CACHD1: variants seen among roughly 807,000 people sequenced by gnomAD.
CACHD1 encodes VWFA and cache domain-containing protein 1.
CACHD1 carries 71 observed loss-of-function variants against 138.7 expected under a neutral mutation model. The observed-to-expected ratio is 0.51, with a 90% CI of 0.42 to 0.62. The LOEUF (loss-of-function observed/expected upper bound fraction) is 0.62. Among genes scored for constraint, CACHD1 ranks in the 20% least tolerant of loss-of-function variants. The pLI, the probability that CACHD1 is intolerant of heterozygous loss-of-function variation, is 0.00. For missense variants in CACHD1, 1,389 were observed against 1,625.3 expected (o/e 0.85, Z 2.50); for synonymous variants, 578 against 591.5 (o/e 0.98, Z 0.33).
chr1:64,506,947 C>G (rs1390523027), intron 1 of CACHD1, among the ~76,000 whole-genome samples: 2 of 152,164 alleles, frequency 1.3e-5, no homozygotes, highest in African/African-American at 4.8e-5. Flanking sequence ...TAGATAGGAG[C>G]TGAATTTGCT....
intron 16 of CACHD1, among the ~76,000 whole-genome samples, chr1:64,666,985 C>A (rs1649657426): frequency 6.6e-6 from 1 of 151,256 alleles, no homozygotes; most frequent in Non-Finnish European, 1.5e-5. Flanking sequence ...AAAAATTGTC[C>A]TTGAAACTAT....
In CACHD1 at chr1:64,604,521, T is replaced by C. The variant is rs534589555; in HGVS notation, c.517+1609T>C. ...AAAACATTCCCAGGTACATGAGAGATGTTGCTTGTTCTGAAGACTTGAGGT... is the reference window on the plus strand; with the variant it reads ...AAAACATTCCCAGGTACATGAGAGACGTTGCTTGTTCTGAAGACTTGAGGT... On this transcript the variant is annotated intron_variant, in intron 4 of 26. Transcript: ENST00000651257. 1.5e-4 allele frequency among the ~76,000 whole-genome samples: 23 copies of C among 152,300 alleles called. 1 individual carries two copies. The highest frequency in any genetic ancestry group is 5.5e-4 in the African/African-American group (23 of 41,574).
At chr1:64,688,655 T>C (rs1246777701) in intron 26 of CACHD1, among the ~76,000 whole-genome samples, 1 of 151,886 alleles carries the variant, frequency 6.6e-6, no homozygotes, top group African/African-American at 2.4e-5. Context: ...CTGTCCAGCC[T>C]CCCCATTGCC....
At chr1:64,612,533 A>G (rs575263697) in intron 4 of CACHD1, among the ~76,000 whole-genome samples, 9 of 152,364 alleles carry the variant, frequency 5.9e-5, no homozygotes, top group Non-Finnish European at 1.2e-4. Context: ...AGGTAGTAGT[A>G]TATAGAACAA....
At chr1:64,512,227 C>G (rs1646426058) in intron 1 of CACHD1, among the ~76,000 whole-genome samples, 1 of 151,864 alleles carries the variant, frequency 6.6e-6, no homozygotes. Flanking sequence ...AACCCTGTCT[C>G]TACAAAAAAT....
At chr1:64,687,738 A>G (rs1415735849) in intron 26 of CACHD1, among the ~76,000 whole-genome samples, 1 of 152,150 alleles carries the variant, frequency 6.6e-6, no homozygotes, top group Admixed American at 6.5e-5. Flanking sequence ...AGCCACAGGT[A>G]ACTACAAAAT....
In CACHD1 at chr1:64,691,799, C is replaced by T; in HGVS notation, c.*238C>T. On this transcript the variant is annotated 3_prime_UTR_variant, in exon 27 of 27. Coordinates refer to ENST00000651257, the MANE Select transcript of CACHD1 (RefSeq NM_020925.4). ...ATGGAGGGGAAATAAGCCTGATGAA[C>T]AGACCTGCCATAACACTAATGGAAG... 1.9e-6 allele frequency: 1 copy of T among 531,182 alleles called. No individual in the cohort carries two copies. The highest frequency in any genetic ancestry group is 3.1e-5 in the Admixed American group (1 of 31,954). 32.9% of individuals were successfully genotyped at this position (531,182 alleles called of 1,614,324 possible). A position where few individuals can be genotyped will look rare whatever the true frequency, so the allele number is the denominator to read the frequency against.
intron 1 of CACHD1, among the ~76,000 whole-genome samples, chr1:64,504,919 T>C (rs1452660384): frequency 1.3e-5 from 2 of 152,168 alleles, no homozygotes; most frequent in African/African-American, 4.8e-5. Context: ...GAGCACACAG[T>C]GGCTGTTCAA....
intron 7 of CACHD1, among the ~76,000 whole-genome samples, chr1:64,634,540 C>A (rs961980714): frequency 6.6e-6 from 1 of 151,960 alleles, no homozygotes; most frequent in Non-Finnish European, 1.5e-5. Context: ...TATGCCACCA[C>A]GCCCAGCTAA....
intron 4 of CACHD1, among the ~76,000 whole-genome samples, chr1:64,627,949 G>A (rs1648168244): frequency 6.6e-6 from 1 of 152,276 alleles, no homozygotes; most frequent in Admixed American, 6.5e-5. Context: ...TTAAACAAAT[G>A]ATATTTCAGA....
At chr1:64,473,532 A>G (rs1646157633) in intron 1 of CACHD1, among the ~76,000 whole-genome samples, 1 of 151,826 alleles carries the variant, frequency 6.6e-6, no homozygotes, top group African/African-American at 2.4e-5. Context: ...TAAGCCTCAC[A>G]TAGGCTTTAA....
At chr1:64,648,103 T>C in intron 9 of CACHD1, 69 bp downstream of exon 9, 2 of 1,206,672 alleles carry the variant, frequency 1.7e-6, no homozygotes, top group South Asian at 2.7e-5. Context: ...GGCACCTCTT[T>C]CTCAGGATCA....
At chr1:64,641,171 TC>T (rs1224298316) in intron 7 of CACHD1, among the ~76,000 whole-genome samples, 1 of 152,128 alleles carries the variant, frequency 6.6e-6, no homozygotes, top group Non-Finnish European at 1.5e-5. Flanking sequence ...CTGTCATTAC[TC>T]CCATTTTATA....
At chr1:64,537,288 G>A (rs1646640631) in intron 1 of CACHD1, among the ~76,000 whole-genome samples, 1 of 152,078 alleles carries the variant, frequency 6.6e-6, no homozygotes, top group Non-Finnish European at 1.5e-5. Context: ...TGTTTGTTGA[G>A]CGGTGCTAGA....
intron 8 of CACHD1, 149 bp from the exon 9 acceptor site, chr1:64,647,652 A>T: frequency 4.8e-6 from 3 of 626,934 alleles, no homozygotes; most frequent in Non-Finnish European, 8.4e-6. Context: ...AGGAACTGGT[A>T]TTTGTGTCCA....
intron 4 of CACHD1, among the ~76,000 whole-genome samples, chr1:64,617,139 A>AC: frequency 1.7e-5 from 2 of 114,862 alleles, no homozygotes; most frequent in Admixed American, 2.3e-4. Context: ...GCTTTGTGAA[A>AC]AAAAAACAAA....
intron 1 of CACHD1, among the ~76,000 whole-genome samples, chr1:64,501,054 A>C (rs1646337094): frequency 2.0e-5 from 3 of 151,946 alleles, no homozygotes; most frequent in African/African-American, 7.3e-5. Context: ...TCTCAAAAAA[A>C]AAAAAAAGGA....
chr1:64,586,351 AC>A (rs1183210680), intron 3 of CACHD1, among the ~76,000 whole-genome samples: 1 of 152,240 alleles, frequency 6.6e-6, no homozygotes, highest in African/African-American at 2.4e-5. Context: ...GGCTTGAGCC[AC>A]ACTTGAGCGA....
chr1:64,626,467 A>G (rs189892572), intron 4 of CACHD1, among the ~76,000 whole-genome samples: 1 of 152,350 alleles, frequency 6.6e-6, no homozygotes, highest in Non-Finnish European at 1.5e-5. Flanking sequence ...GGAGTTGAAT[A>G]TATTGTCACT....
Sources: gnomAD v4.1 joint callset for allele counts (sites outside exome capture counted in the v4.1 genomes callset) on GRCh38, gnomAD v4.1.1 for gene constraint, MANE v1.5 for transcripts, NCBI Gene and HGNC (gene_info 2026-07-23, HGNC 2026-07-21) for gene names.